The following HAVCR2 variants were observed in gnomAD, a reference collection of about 807,000 sequenced individuals.
HAVCR2 encodes hepatitis A virus cellular receptor 2.
In HAVCR2, 13 loss-of-function variants were observed where a neutral mutation model predicts 24.7. The ratio of observed to expected loss-of-function variants is 0.53; its 90% CI spans 0.34 to 0.84. HAVCR2 has a LOEUF of 0.84. Ranked by LOEUF, HAVCR2 falls within the 40% of genes least tolerant of loss-of-function variation. The pLI, the probability that HAVCR2 is intolerant of heterozygous loss-of-function variation, is 0.01. For synonymous variants in HAVCR2, 154 were observed against 143.4 expected (o/e 1.07, Z -0.53); for missense variants, 343 against 371.2 (o/e 0.92, Z 0.62).
chr5:157,089,295 G>A (rs995090454), intron 5 of HAVCR2, among the ~76,000 whole-genome samples: 10 of 152,150 alleles, frequency 6.6e-5, no homozygotes, highest in African/African-American at 2.4e-4. Flanking sequence ...GCTCTCCTGT[G>A]GGAGACCAAA....
At chr5:157,104,528 T>G in intron 3 of HAVCR2, 138 bp downstream of exon 3, 1 of 569,104 alleles carries the variant, frequency 1.8e-6, no homozygotes, top group Non-Finnish European at 3.1e-6. Context: ...CTTCCCTCTT[T>G]TCAAACACTA....
intron 2 of HAVCR2, among the ~76,000 whole-genome samples, chr5:157,105,355 C>A (rs7445342): frequency 0.83 from 126,942 of 152,168 alleles, 53,074 homozygotes; most frequent in East Asian, 0.99. Context: ...TGAGCCACCA[C>A]GCCCAGCCAT....
At chr5:157,100,029 A>G (rs1415853050) in intron 3 of HAVCR2, among the ~76,000 whole-genome samples, 2 of 152,168 alleles carry the variant, frequency 1.3e-5, no homozygotes, top group African/African-American at 4.8e-5. Flanking sequence ...TTTTGCATTT[A>G]CTCATGAGAA....
At chr5:157,101,941 A>ATTTTTT (rs869260432) in intron 3 of HAVCR2, among the ~76,000 whole-genome samples, 4 of 83,064 alleles carry the variant, frequency 4.8e-5, no homozygotes, top group African/African-American at 2.0e-4. Context: ...ATGCCCGGCT[A>ATTTTTT]TTTTTTTTTT....
intron 4 of HAVCR2, among the ~76,000 whole-genome samples, chr5:157,098,387 A>T (rs1311737004): frequency 6.6e-6 from 1 of 151,638 alleles, no homozygotes; most frequent in African/African-American, 2.4e-5. Flanking sequence ...AGCCTGGGCA[A>T]CAAGAGCGAA....
At chr5:157,108,871 C>T (rs1333220613) in intron 1 of HAVCR2, 55 bp downstream of exon 1, 4 of 1,553,844 alleles carry the variant, frequency 2.6e-6, no homozygotes, top group Non-Finnish European at 3.5e-6. Context: ...GTATCTCTCC[C>T]TTGTCCTCTG....
At position 157,090,295 on chromosome 5, in the gene HAVCR2, A is replaced by AT. The variant is rs200454994; in HGVS notation, c.677-1319dup. Among the ~76,000 whole-genome samples, 988 of 151,146 alleles carry AT rather than the reference A, an allele frequency of 6.5e-3. 13 individuals are homozygous for AT. The highest frequency in any genetic ancestry group is 0.023 in the African/African-American group (952 of 41,196). ...AGGTGCACACTACCACAGCTGGATA[A>AT]TTTTTTTTAATGTTTTTGGGCTGGA... On this transcript the variant is annotated intron_variant, in intron 5 of 6. Coordinates refer to ENST00000307851, the MANE Select transcript of HAVCR2 (RefSeq NM_032782.5).
chr5:157,092,280 A>G (rs1757014992), intron 5 of HAVCR2, among the ~76,000 whole-genome samples: 2 of 151,736 alleles, frequency 1.3e-5, no homozygotes, highest in African/African-American at 4.8e-5. Context: ...GTGCTCCTTA[A>G]CAATCCCTAG....
At chr5:157,097,085 C>T (rs1757104644) in intron 4 of HAVCR2, among the ~76,000 whole-genome samples, 1 of 151,926 alleles carries the variant, frequency 6.6e-6, no homozygotes. Flanking sequence ...GTCCTATATG[C>T]AAGATATTGT....
Position 157,090,122 on chromosome 5 carries a change from C to CTTTTTTTT in HAVCR2, c.677-1153_677-1146dup, listed in dbSNP as rs869177923. 1.1e-3 allele frequency among the ~76,000 whole-genome samples: 71 copies of CTTTTTTTT among 65,586 alleles called. 4 individuals carry two copies. The highest frequency in any genetic ancestry group is 1.6e-3 in the African/African-American group (25 of 15,570). 43.0% of individuals were successfully genotyped at this position (65,586 alleles called of 152,430 possible). On this transcript the variant is annotated intron_variant, in intron 5 of 6. Coordinates refer to ENST00000307851, the MANE Select transcript of HAVCR2 (RefSeq NM_032782.5). ...TTAAAATTTTCCTTTCTTTTCTTTT[C>CTTTTTTTT]TTTTTTTTTTTTTTTTTTTTTTTTT...
In HAVCR2 at chr5:157,087,273, G is replaced by C. The variant is rs191050706; in HGVS notation, c.735C>G (p.Leu245=). Residue 245 remains leucine (L), a synonymous_variant, in exon 7 of 7, where the codon CTC becomes CTG. Coordinates refer to ENST00000307851, the MANE Select transcript of HAVCR2 (RefSeq NM_032782.5). ...QNLSLISLAN[L]PPSGLANAVA... ...CTGCATTTGCCAATCCTGAGGGAGGGAGGTTGGCCAAAGAGATGAGGCTGT... is the reference window on the plus strand; with the variant it reads ...CTGCATTTGCCAATCCTGAGGGAGGCAGGTTGGCCAAAGAGATGAGGCTGT... The C allele has an allele frequency of 5.0e-6, 8 of 1,610,388 alleles. No homozygotes were observed. Among genetic ancestry groups the C allele is most frequent in the Non-Finnish European group, 6.8e-6 (8 of 1,179,184 alleles).
At chr5:157,088,884 T>TA in intron 6 of HAVCR2, 57 bp downstream of exon 6, 1 of 1,416,560 alleles carries the variant, frequency 7.1e-7, no homozygotes. Context: ...TCAGACATGT[T>TA]AGAGTAGGGA....
intron 3 of HAVCR2, 23 bp downstream of exon 3, chr5:157,104,643 T>A (rs1409589643): frequency 6.5e-7 from 1 of 1,530,584 alleles, no homozygotes; most frequent in East Asian, 2.3e-5. Context: ...AAAGATTCCC[T>A]CCTCTGCCCC....
rs556443053 is a variant in HAVCR2 at position 157,092,878 on chromosome 5, CAAAAAAAAAAAAAAAAAAAA to C, written c.676+2408_676+2427del. 4.3e-3 allele frequency among the ~76,000 whole-genome samples: 190 copies of C among 44,046 alleles called. 2 individuals carry two copies. The highest frequency in any genetic ancestry group is 6.6e-3 in the Non-Finnish European group (144 of 21,716). 28.9% of individuals were successfully genotyped at this position (44,046 alleles called of 152,430 possible). A position where few individuals can be genotyped will look rare whatever the true frequency, so the allele number is the denominator to read the frequency against. On this transcript the variant is annotated intron_variant, in intron 5 of 6. Coordinates refer to ENST00000307851, the MANE Select transcript of HAVCR2 (RefSeq NM_032782.5). Reference sequence around the variant, plus strand: ...CAACATGGCAAAACCCTGTCTCTACCAAAAAAAAAAAAAAAAAAAAAAAAAAAAAAAAAAAAAAAACTAGC... The same window carrying C: ...CAACATGGCAAAACCCTGTCTCTACCAAAAAAAAAAAAAAAAAAAACTAGC...
intron 2 of HAVCR2, among the ~76,000 whole-genome samples, chr5:157,105,236 G>T (rs1265927276): frequency 3.3e-5 from 5 of 151,946 alleles, no homozygotes; most frequent in Non-Finnish European, 7.4e-5. Context: ...GGCTAATTTT[G>T]TATTTTTAGT....
At chr5:157,087,658 C>A (rs2113682857) in intron 6 of HAVCR2, among the ~76,000 whole-genome samples, 2 of 152,160 alleles carry the variant, frequency 1.3e-5, no homozygotes, top group Middle Eastern at 6.8e-3. Context: ...GTAATCCCAG[C>A]ACTTTGGGAG....
At position 157,108,910 on chromosome 5, in the gene HAVCR2, C is replaced by T. The variant is rs746799782; in HGVS notation, c.58+16G>A. 1.9e-6 allele frequency: 3 copies of T among 1,612,702 alleles called. No individual in the cohort carries two copies. The highest frequency in any genetic ancestry group is 2.5e-6 in the Non-Finnish European group (3 of 1,178,870). On this transcript the variant is annotated intron_variant, in intron 1 of 6. Coordinates refer to ENST00000307851, the MANE Select transcript of HAVCR2 (RefSeq NM_032782.5). ...AGCACCATTATGTCATTGTAAATAT[C>T]CATGCCGAGACTTACTTGTAAGTAG... is the stretch of plus-strand genomic sequence containing the variant.
At chr5:157,106,421 C>T (rs879878268) in intron 2 of HAVCR2, 34 of 573,158 alleles carry the variant, frequency 5.9e-5, no homozygotes, top group Admixed American at 1.8e-4. Context: ...TGAGCCACCA[C>T]GCCCAGGCAC....
intron 3 of HAVCR2, among the ~76,000 whole-genome samples, chr5:157,099,387 G>C (rs775465997): frequency 1.3e-5 from 2 of 151,268 alleles, no homozygotes; most frequent in Non-Finnish European, 2.9e-5. Flanking sequence ...CTCCCAAGTA[G>C]CTGGGACTAC....
Sources: allele counts gnomAD v4.1 joint callset (sites outside exome capture counted in the v4.1 genomes callset), GRCh38; gene constraint gnomAD v4.1.1; transcripts MANE v1.5; gene names NCBI Gene and HGNC (gene_info 2026-07-23, HGNC 2026-07-21).